ATRNL1: variants seen among roughly 807,000 people sequenced by gnomAD.
The protein encoded by ATRNL1 is attractin like 1, also known as attractin-like protein 1.
A neutral mutation model predicts 182.7 loss-of-function variants in ATRNL1; 95 were observed. The observed-to-expected ratio is 0.52, with a 90% confidence interval of 0.44 to 0.62. ATRNL1 has a LOEUF of 0.62. Among genes scored for constraint, ATRNL1 ranks in the 20% least tolerant of loss-of-function variants. ATRNL1 has a pLI of 0.00. For synonymous variants in ATRNL1, 576 were observed against 568.3 expected, an observed-to-expected ratio of 1.01 and a Z score of -0.19; for missense variants, 1,471 against 1,679.5, an observed-to-expected ratio of 0.88 and a Z score of 2.17.
intron 17 of ATRNL1, among the ~76,000 whole-genome samples, chr10:115,308,421 T>G (rs1163786922): frequency 6.6e-6 from 1 of 152,118 alleles, no homozygotes; most frequent in African/African-American, 2.4e-5. Flanking sequence ...ATACACAACT[T>G]GAGGATAAGG....
rs117202740 is a variant in ATRNL1 at position 115,418,967 on chromosome 10, A to G, written c.3270-7283A>G. On this transcript the variant is annotated intron_variant, in intron 20 of 28. Coordinates refer to ENST00000355044, the MANE Select transcript of ATRNL1 (RefSeq NM_207303.4). Reference sequence around the variant, plus strand: ...TGAAGAGAGCTCTTCAAACTTAAAGAAAAGAATACTTACATTGATTGTTAG... The same window carrying G: ...TGAAGAGAGCTCTTCAAACTTAAAGGAAAGAATACTTACATTGATTGTTAG... 1.1e-3 allele frequency among the ~76,000 whole-genome samples: 168 copies of G among 152,356 alleles called. 3 individuals are homozygous for G. Among genetic ancestry groups the G allele is most frequent in the Middle Eastern group, 6.8e-3 (2 of 294 alleles).
At chr10:115,368,758 G>C (rs1489368907) in intron 19 of ATRNL1, among the ~76,000 whole-genome samples, 1 of 150,016 alleles carries the variant, frequency 6.7e-6, no homozygotes, top group Non-Finnish European at 1.5e-5. Flanking sequence ...CTTCCGCCCA[G>C]GCTGGAATGC....
chr10:115,603,194 C>G (rs891161703), intron 26 of ATRNL1, among the ~76,000 whole-genome samples: 1 of 151,780 alleles, frequency 6.6e-6, no homozygotes, highest in Non-Finnish European at 1.5e-5. Context: ...CTGTTCCCCT[C>G]CCTGGAGGAC....
chr10:115,198,706 T>C (rs1209171765), intron 8 of ATRNL1, among the ~76,000 whole-genome samples: 4 of 152,198 alleles, frequency 2.6e-5, no homozygotes, highest in Non-Finnish European at 4.4e-5. Flanking sequence ...GAGGGTCTAA[T>C]TTTATTCTTC....
At position 115,096,980 on chromosome 10, in the gene ATRNL1, A is replaced by G. The variant is rs546155230; in HGVS notation, c.293+2937A>G. 13 of 249,324 alleles carry G rather than the reference A, an allele frequency of 5.2e-5. No individual in the cohort carries two copies. In the South Asian group the frequency reaches 5.6e-4, roughly 11 times the overall value. The allele number at this position is 249,324 out of a possible 1,614,324, so 15.4% of individuals were successfully genotyped here. A position where few individuals can be genotyped will look rare whatever the true frequency, so the allele number is the denominator to read the frequency against. The stretch of plus-strand genomic sequence containing the variant: ...TGTATTTATTTGAATAGTTCAGTGT[A>G]ATGTTAAGCAAGAAAATATTCTGCT... On this transcript the variant is annotated intron_variant, in intron 1 of 28. Coordinates refer to ENST00000355044, the MANE Select transcript of ATRNL1 (RefSeq NM_207303.4).
chr10:115,175,929 G>T (rs200733188), intron 8 of ATRNL1, among the ~76,000 whole-genome samples: 2 of 152,072 alleles, frequency 1.3e-5, no homozygotes, highest in Admixed American at 1.3e-4. Context: ...CCCACCAACA[G>T]TGTAAAAGTG....
chr10:115,162,234 A>G (rs1846823697), intron 6 of ATRNL1, among the ~76,000 whole-genome samples: 1 of 152,042 alleles, frequency 6.6e-6, no homozygotes, highest in Admixed American at 6.6e-5. Context: ...ATGGATAGAT[A>G]TAGATAGATA....
chr10:115,584,537 A>T (rs1188614284), intron 26 of ATRNL1, among the ~76,000 whole-genome samples: 1 of 138,152 alleles, frequency 7.2e-6, no homozygotes, highest in Admixed American at 7.6e-5. Flanking sequence ...TTATTTGCAT[A>T]GAGGTGTTTG....
chr10:115,266,831 C>T lies in ATRNL1; in HGVS notation c.1807C>T (p.Leu603Phe). ...TATATTTGGGGGATTTTCTAGTGTACTCCTTAATGATATCCTTGTATACAA... is the reference window on the plus strand; with the variant it reads ...TATATTTGGGGGATTTTCTAGTGTATTCCTTAATGATATCCTTGTATACAA... ...MYIFGGFSSV[L>F]LNDILVYKPP... The change falls in exon 12 of 29, where the codon CTC becomes TTC. Residue 603 changes from leucine (L) to phenylalanine (F), a missense_variant. Coordinates refer to ENST00000355044, the MANE Select transcript of ATRNL1 (RefSeq NM_207303.4). 1 of 1,608,772 alleles carries T rather than the reference C, an allele frequency of 6.2e-7. No homozygotes were observed. Among genetic ancestry groups the T allele is most frequent in the Non-Finnish European group, 8.5e-7 (1 of 1,176,628 alleles).
chr10:115,133,660 T>C (rs1845368835), intron 5 of ATRNL1, among the ~76,000 whole-genome samples: 1 of 152,172 alleles, frequency 6.6e-6, no homozygotes, highest in Non-Finnish European at 1.5e-5. Context: ...TTAACAGCGA[T>C]ATCCAGGAAT....
intron 19 of ATRNL1, among the ~76,000 whole-genome samples, chr10:115,365,065 C>G (rs1554945480): frequency 6.7e-6 from 1 of 148,714 alleles, no homozygotes; most frequent in Non-Finnish European, 1.5e-5. Flanking sequence ...CCCTCTTTTT[C>G]TATTGATTGG....
In ATRNL1 at chr10:115,487,770, A is replaced by T. The variant is rs1042744453; in HGVS notation, c.3654+18441A>T. On this transcript the variant is annotated intron_variant, in intron 24 of 28. Coordinates refer to ENST00000355044, the MANE Select transcript of ATRNL1 (RefSeq NM_207303.4). ...GGCCAGAACTTCCAATACTATGTTG[A>T]ATAGGAGTGATGAGAGAGGGCATCC... Among the ~76,000 whole-genome samples, 6 of 152,218 alleles carry T rather than the reference A, an allele frequency of 3.9e-5. No individual in the cohort carries two copies. In the East Asian group the frequency reaches 1.2e-3, roughly 29 times the overall value.
intron 28 of ATRNL1, among the ~76,000 whole-genome samples, chr10:115,899,134 G>A (rs1555113134): frequency 6.6e-6 from 1 of 152,016 alleles, no homozygotes; most frequent in Non-Finnish European, 1.5e-5. Context: ...AGGCCCTGGT[G>A]TGTGATGTTC....
chr10:115,267,824 A>G (rs142665329), intron 12 of ATRNL1, among the ~76,000 whole-genome samples: 299 of 151,948 alleles, frequency 2.0e-3, no homozygotes, highest in African/African-American at 6.8e-3. Flanking sequence ...CCCAGGCTGG[A>G]GTGCAGTGGT....
At chr10:115,693,657 G>A (rs1382930627) in intron 26 of ATRNL1, among the ~76,000 whole-genome samples, 2 of 152,086 alleles carry the variant, frequency 1.3e-5, no homozygotes, top group Non-Finnish European at 2.9e-5. Flanking sequence ...AGGCTATACG[G>A]TATGGCCTAT....
chr10:115,561,857 TAATCATCACC>T (rs1853772763), intron 26 of ATRNL1, among the ~76,000 whole-genome samples: 1 of 152,182 alleles, frequency 6.6e-6, no homozygotes, highest in Non-Finnish European at 1.5e-5. Context: ...TATTCACCAA[TAATCATCACC>T]AATTATCACC....
At chr10:115,118,548 G>A (rs1844591421) in intron 1 of ATRNL1, among the ~76,000 whole-genome samples, 1 of 152,026 alleles carries the variant, frequency 6.6e-6, no homozygotes, top group Non-Finnish European at 1.5e-5. Context: ...TGAGGTAAAG[G>A]CTGGTTAACT....
intron 28 of ATRNL1, among the ~76,000 whole-genome samples, chr10:115,906,125 T>C (rs997457668): frequency 5.9e-5 from 9 of 152,196 alleles, no homozygotes; most frequent in African/African-American, 1.7e-4. Context: ...ATTATTCTCA[T>C]TGATTGACTT....
At chr10:115,730,617 C>T (rs1463811445) in intron 27 of ATRNL1, among the ~76,000 whole-genome samples, 2 of 151,898 alleles carry the variant, frequency 1.3e-5, no homozygotes, top group Non-Finnish European at 1.5e-5. Flanking sequence ...CGTAAATTTA[C>T]GTATTTGCTA....
Sources: gnomAD v4.1 joint callset for allele counts (sites outside exome capture counted in the v4.1 genomes callset) on GRCh38, gnomAD v4.1.1 for gene constraint, MANE v1.5 for transcripts, NCBI Gene and HGNC (gene_info 2026-07-23, HGNC 2026-07-21) for gene names.